ARRDC5: variants seen among roughly 807,000 people sequenced by gnomAD.
ARRDC5 encodes arrestin domain-containing protein 5.
In ARRDC5, 12 loss-of-function variants were observed where a neutral mutation model predicts 13.3. The ratio of observed to expected loss-of-function variants is 0.90; its 90% CI spans 0.58 to 1.46. The LOEUF is 1.46. Among genes scored for constraint, ARRDC5 ranks in the 40% most tolerant of loss-of-function variants. The probability of loss-of-function intolerance (pLI) is 0.00; values close to 1 mark genes in which losing one functional copy is unlikely to be tolerated. For missense variants in ARRDC5, 406 were observed against 418.7 expected (o/e 0.97, Z 0.26); for synonymous variants, 181 against 173.4 (o/e 1.04, Z -0.34).
chr19:4,906,912 C>T (rs2032075405), upstream of ARRDC5, among the ~76,000 whole-genome samples: 1 of 152,198 alleles, frequency 6.6e-6, no homozygotes, highest in Non-Finnish European at 1.5e-5. Flanking sequence ...CCGTCTCACA[C>T]CCTCAGGTGG....
upstream of ARRDC5, among the ~76,000 whole-genome samples, chr19:4,903,803 G>A (rs1192731703): frequency 1.3e-5 from 2 of 151,904 alleles, no homozygotes; most frequent in Non-Finnish European, 2.9e-5. Flanking sequence ...GTGCCCAGGT[G>A]CATACACACT....
the ARRDC5 span, among the ~76,000 whole-genome samples, chr19:4,908,023 C>T: frequency 2.6e-5 from 4 of 152,142 alleles, no homozygotes; most frequent in African/African-American, 7.2e-5. Flanking sequence ...TTGGCCTGAT[C>T]ATTGTAAAGC....
intron 1 of ARRDC5, among the ~76,000 whole-genome samples, chr19:4,900,903 C>T (rs2146257557): frequency 6.6e-6 from 1 of 152,112 alleles, no homozygotes; most frequent in East Asian, 1.9e-4. Context: ...CCTGTAGTGC[C>T]AGCTACTCGG....
At chr19:4,892,971 C>G (rs1352934845) in intron 2 of ARRDC5, among the ~76,000 whole-genome samples, 1 of 150,728 alleles carries the variant, frequency 6.6e-6, no homozygotes, top group Non-Finnish European at 1.5e-5. Flanking sequence ...GGCGTGGTGG[C>G]AGGCGTCGGC....
At chr19:4,912,169 G>A in the ARRDC5 span, among the ~76,000 whole-genome samples, 2 of 152,176 alleles carry the variant, frequency 1.3e-5, no homozygotes, top group Non-Finnish European at 2.9e-5. Flanking sequence ...TGCCCCGGGA[G>A]GAGGCGATCT....
At chr19:4,910,965 A>T in the ARRDC5 span, 1 of 1,613,184 alleles carries the variant, frequency 6.2e-7, no homozygotes, top group South Asian at 1.1e-5. Flanking sequence ...AAGGTGGAGG[A>T]GCTGAGGCGG....
chr19:4,900,995 G>T (rs376998325), intron 1 of ARRDC5, among the ~76,000 whole-genome samples: 1 of 151,690 alleles, frequency 6.6e-6, no homozygotes, highest in Non-Finnish European at 1.5e-5. Context: ...CTCCAGCCTG[G>T]GCAACGAGTG....
chr19:4,910,756 C>A, the ARRDC5 span: 1 of 1,250,190 alleles, frequency 8.0e-7, no homozygotes. Context: ...ACTGGAAGGG[C>A]ATCCTGGGAG....
chr19:4,907,188 C>T (rs1216473320), upstream of ARRDC5, among the ~76,000 whole-genome samples: 2 of 152,182 alleles, frequency 1.3e-5, no homozygotes, highest in Admixed American at 6.6e-5. Flanking sequence ...TGGCTCACTG[C>T]AACCTCCGTC....
At chr19:4,910,631 A>G in the ARRDC5 span, 4 of 389,030 alleles carry the variant, frequency 1.0e-5, no homozygotes, top group South Asian at 3.4e-4. Flanking sequence ...TTTTCTTTCA[A>G]TTCCCTCTTT....
At chr19:4,896,623 C>T (rs1568396222) in intron 2 of ARRDC5, 48 bp downstream of exon 2, 1 of 1,451,200 alleles carries the variant, frequency 6.9e-7, no homozygotes, top group Non-Finnish European at 9.7e-7. Flanking sequence ...CCTCTTCCTC[C>T]TTGGAGCTTG....
chr19:4,893,514 A>C (rs933054631), intron 2 of ARRDC5, among the ~76,000 whole-genome samples: 58 of 150,560 alleles, frequency 3.9e-4, no homozygotes, highest in Non-Finnish European at 1.8e-4. Flanking sequence ...TCAAAAAAAA[A>C]AAGAAAAGAA....
intron 1 of ARRDC5, 136 bp downstream of exon 1, chr19:4,902,437 C>T (rs2146260565): frequency 2.5e-6 from 2 of 812,970 alleles, no homozygotes; most frequent in East Asian, 2.5e-5. Context: ...TCTTCATGGC[C>T]TCCCTCCTAG....
rs151314845 is a variant in ARRDC5 at position 4,892,424 on chromosome 19, G to A, written c.460-851C>T. 4.2e-3 allele frequency among the ~76,000 whole-genome samples: 624 copies of A among 146,880 alleles called. 2 individuals carry two copies. The highest frequency in any genetic ancestry group is 0.015 in the African/African-American group (584 of 39,518). On this transcript the variant is annotated intron_variant, in intron 2 of 2. Transcript: ENST00000650722. ...TTTTAATGCAGCCTGGAGTGCAGTG[G>A]TGCACTCATGGCTCACTGCAGACTT...
At chr19:4,906,230 C>G (rs568459858), upstream of ARRDC5, among the ~76,000 whole-genome samples, 1 of 152,122 alleles carries the variant, frequency 6.6e-6, no homozygotes, top group African/African-American at 2.4e-5. Context: ...CAGCCTTCCT[C>G]GGCCTCTCAA....
chr19:4,894,029 CAG>C (rs1455526175), intron 2 of ARRDC5, among the ~76,000 whole-genome samples: 1 of 133,158 alleles, frequency 7.5e-6, no homozygotes, highest in African/African-American at 3.0e-5. Context: ...GCCTGGGCGA[CAG>C]AGCAAGACTC....
the ARRDC5 span, among the ~76,000 whole-genome samples, chr19:4,912,636 T>G: frequency 6.6e-6 from 1 of 152,210 alleles, no homozygotes. Context: ...TGCCCGCCAA[T>G]CCATCTTTTT....
intron 2 of ARRDC5, among the ~76,000 whole-genome samples, chr19:4,895,117 A>AT (rs11451900): frequency 0.45 from 66,662 of 149,578 alleles, 16,305 homozygotes; most frequent in East Asian, 0.58. Context: ...GAGCTATTAC[A>AT]TTTTTTTTTT....
chr19:4,897,641 A>C (rs901049438), intron 1 of ARRDC5, among the ~76,000 whole-genome samples: 2 of 152,070 alleles, frequency 1.3e-5, no homozygotes, highest in African/African-American at 4.8e-5. Context: ...CTCAGCCTCC[A>C]GAAGAGCTGG....
Sources: gnomAD v4.1 joint callset for allele counts (sites outside exome capture counted in the v4.1 genomes callset) on GRCh38, gnomAD v4.1.1 for gene constraint, MANE v1.5 for transcripts, NCBI Gene and HGNC (gene_info 2026-07-23, HGNC 2026-07-21) for gene names.